MROH2A: variants seen among roughly 807,000 people sequenced by gnomAD.
The protein encoded by MROH2A is maestro heat like repeat family member 2A.
Under a neutral mutation model 200.4 loss-of-function variants are expected in MROH2A, and 174 were observed. That is an observed-to-expected ratio of 0.87 (90% CI 0.77 to 0.98). MROH2A has a LOEUF of 0.98. MROH2A is among the 50% of genes least tolerant of loss of function. The pLI, the probability that MROH2A is intolerant of heterozygous loss-of-function variation, is 0.00. For missense variants in MROH2A, 2,045 were observed against 2,139.6 expected (o/e 0.96, Z 0.87); for synonymous variants, 829 against 840.4 (o/e 0.99, Z 0.23).
chr2:233,793,509 C>T (rs1294629943), intron 6 of MROH2A, among the ~76,000 whole-genome samples, 164 bp from the exon 7 acceptor site: 5 of 152,112 alleles, frequency 3.3e-5, no homozygotes, highest in African/African-American at 9.7e-5. Context: ...CACACAGGCA[C>T]GCAGAGTAAA....
Position 233,796,265 on chromosome 2 carries a change from G to A in MROH2A, c.1204G>A (p.Val402Ile), listed in dbSNP as rs773216265. The A allele has an allele frequency of 1.7e-4, 263 of 1,546,666 alleles. No individual in the cohort carries two copies. Among genetic ancestry groups the A allele is most frequent in the Admixed American group, 3.2e-4 (16 of 50,550 alleles). Residue 402 changes from valine to isoleucine, a missense_variant, in exon 11 of 42, where the codon GTC becomes ATC. By Grantham distance (29) the Val-to-Ile change is conservative. Around this residue, in one of 3 missense-constraint regions of MROH2A, gnomAD observed 831 missense variants for 800.0 expected, o/e 1.04. Coordinates refer to ENST00000389758, the MANE Select transcript of MROH2A (RefSeq NM_001394639.1). ...FSQMETNKEA[V>I]RVGTLNLIRA... Reference sequence around the variant, plus strand: ...CCAGATGGAGACAAACAAGGAGGCCGTCCGCGTGGGGACTCTGAATCTGAT... The same window carrying A: ...CCAGATGGAGACAAACAAGGAGGCCATCCGCGTGGGGACTCTGAATCTGAT...
chr2:233,814,763 G>T, intron 26 of MROH2A, 86 bp downstream of exon 26: 3 of 842,222 alleles, frequency 3.6e-6, no homozygotes, highest in Non-Finnish European at 5.6e-6. Context: ...GGGAACAGGG[G>T]AGTGCATGCA....
intron 38 of MROH2A, among the ~76,000 whole-genome samples, chr2:233,830,251 T>C (rs1704632620): frequency 6.6e-6 from 1 of 152,168 alleles, no homozygotes; most frequent in South Asian, 2.1e-4. Flanking sequence ...GATTTGTTAG[T>C]AAATGTGCCT....
rs536222086 is a variant in MROH2A at position 233,782,507 on chromosome 2, G to A, written c.276+2655G>A. Among the ~76,000 whole-genome samples, 10 of 152,174 alleles carry A rather than the reference G, an allele frequency of 6.6e-5. No individual in the cohort carries two copies. In the South Asian group the frequency reaches 2.1e-3, roughly 32 times the overall value. The stretch of plus-strand genomic sequence containing the variant: ...GTTTCTTTTTCAAAATGGGTGAAGT[G>A]TTCTGTTGTTTGCCATTTGGCATAT... On this transcript the variant is annotated intron_variant, in intron 3 of 41. Coordinates refer to ENST00000389758, the MANE Select transcript of MROH2A (RefSeq NM_001394639.1).
At chr2:233,796,380 G>A (rs1702114567) in intron 11 of MROH2A, 67 bp downstream of exon 11, 11 of 1,067,894 alleles carry the variant, frequency 1.0e-5, no homozygotes, top group Non-Finnish European at 1.5e-5. Flanking sequence ...AACAAGGGAG[G>A]CAAGTTTCAT....
intron 15 of MROH2A, 24 bp downstream of exon 15, chr2:233,802,339 G>A (rs781666453): frequency 1.3e-6 from 2 of 1,541,946 alleles, no homozygotes; most frequent in African/African-American, 2.7e-5. Context: ...CTGTCCAGCT[G>A]ATTGGATTGG....
chr2:233,790,112 T>C, intron 5 of MROH2A, 98 bp downstream of exon 5: 1 of 1,141,212 alleles, frequency 8.8e-7, no homozygotes, highest in Non-Finnish European at 1.2e-6. Flanking sequence ...CTCTTCCTCT[T>C]ACCTTTCATT....
Position 233,822,913 on chromosome 2 carries a change from A to G in MROH2A, c.3899A>G (p.Lys1300Arg), listed in dbSNP as rs1163827456. ...ATCAAGTCCATGCAGCTCTTGTTCAAGAGAGTCAAGAGCCAGCACCTGGCA... is the reference window on the plus strand; with the variant it reads ...ATCAAGTCCATGCAGCTCTTGTTCAGGAGAGTCAAGAGCCAGCACCTGGCA... ...VTIKSMQLLF[K>R]RVKSQHLAHT... The change falls in exon 34 of 42, where the codon AAG becomes AGG. Residue 1300 changes from lysine to arginine, a missense_variant. Lys to Arg is a conservative substitution (Grantham distance 26). Coordinates refer to ENST00000389758, the MANE Select transcript of MROH2A (RefSeq NM_001394639.1). The G allele has an allele frequency of 6.4e-7, 1 of 1,550,600 alleles. No individual in the cohort carries two copies. The highest frequency in any genetic ancestry group is 2.4e-5 in the East Asian group (1 of 40,914).
intron 12 of MROH2A, among the ~76,000 whole-genome samples, chr2:233,799,415 G>A (rs113692107): frequency 6.6e-6 from 1 of 152,260 alleles, no homozygotes; most frequent in South Asian, 2.1e-4. Context: ...GGAGGGAAGC[G>A]AGAAGAGGCT....
chr2:233,810,815 T>C lies in MROH2A; in HGVS notation c.2470T>C (p.Phe824Leu), dbSNP rs1168924733. ...TCAGGACATCTGTCTCAAAATGGCC[T>C]TCATGAAGAGTGTTGTGCAGGTTAC... ...SCQDICLKMAFMKSVVQVTKA... is the reference protein window; with the variant it reads ...SCQDICLKMALMKSVVQVTKA... Residue 824 changes from phenylalanine (F) to leucine (L), a missense_variant, in exon 23 of 42, where the codon TTC becomes CTC. Physicochemically the swap from Phe to Leu is conservative, Grantham distance 22. Coordinates refer to ENST00000389758, the MANE Select transcript of MROH2A (RefSeq NM_001394639.1). 2 of 1,550,408 alleles carry C rather than the reference T, an allele frequency of 1.3e-6. No individual in the cohort carries two copies. The highest frequency in any genetic ancestry group is 2.4e-5 in the South Asian group (2 of 84,052).
chr2:233,798,508 C>T (rs568499373), intron 11 of MROH2A, among the ~76,000 whole-genome samples: 3 of 152,330 alleles, frequency 2.0e-5, no homozygotes. Flanking sequence ...CACTAAAGAG[C>T]TCGTAGGCAG....
chr2:233,799,819 C>T lies in MROH2A; in HGVS notation c.1369C>T (p.Leu457Phe). 6.4e-7 allele frequency: 1 copy of T among 1,550,558 alleles called. No individual in the cohort carries two copies. Among genetic ancestry groups the T allele is most frequent in the Non-Finnish European group, 8.7e-7 (1 of 1,146,986 alleles). The stretch of plus-strand genomic sequence containing the variant: ...TCTCCACATCATTGGGCAGTTGGCT[C>T]TCTGTGGCTACCAGGAGAGAATCAA... ...AILHIIGQLA[L>F]CGYQERIKGW... The change falls in exon 13 of 42, where the codon CTC (leucine) becomes TTC (phenylalanine). Residue 457 changes from leucine to phenylalanine, a missense_variant. Coordinates refer to ENST00000389758, the MANE Select transcript of MROH2A (RefSeq NM_001394639.1).
At chr2:233,814,374 T>C (rs1203305476) in intron 25 of MROH2A, among the ~76,000 whole-genome samples, 2 of 152,190 alleles carry the variant, frequency 1.3e-5, no homozygotes, top group African/African-American at 4.8e-5. Flanking sequence ...AGAACTGGGC[T>C]CCAGGAGTTC....
At chr2:233,778,772 A>T (rs10203853) in intron 1 of MROH2A, among the ~76,000 whole-genome samples, 63,353 of 152,150 alleles carry the variant, frequency 0.42, 14,341 homozygotes, top group East Asian at 0.77. Flanking sequence ...AGAGGGCTCT[A>T]TTAAACTAAG....
rs570814019 is a variant in MROH2A, at chr2:233,831,468, TC to T, written c.4665del (p.Ser1556GlnfsTer12). 364 of 1,550,480 alleles carry T rather than the reference TC, an allele frequency of 2.3e-4. No homozygotes were observed. The highest frequency in any genetic ancestry group is 2.1e-3 in the Admixed American group (107 of 50,994). On this transcript the variant is annotated frameshift_variant, in exon 39 of 42. Coordinates refer to ENST00000389758, the MANE Select transcript of MROH2A (RefSeq NM_001394639.1). LOFTEE classifies it high-confidence loss of function. Reference protein sequence around the residue: ...HFWGWKSLEHPSGPSDTATDD... With the variant: ...HFWGWKSLEHXSGPSDTATDD... ...TCTGGGGCTGGAAGTCCCTGGAGCA[TC>T]CCTCAGGGCCAAGTGATACCGCTAC...
intron 19 of MROH2A, among the ~76,000 whole-genome samples, chr2:233,806,368 A>T (rs1014544445): frequency 6.6e-6 from 1 of 152,188 alleles, no homozygotes; most frequent in Non-Finnish European, 1.5e-5. Context: ...CAAAAACAAT[A>T]ATATTTACCT....
At position 233,809,170 on chromosome 2, in the gene MROH2A, G is replaced by C; in HGVS notation, c.2340G>C (p.Met780Ile). ...GGGAGACAGTGAAAAGTGCCCTCATGGTGATGTATAGCTGCGTGGCCTCCT... is the reference window on the plus strand; with the variant it reads ...GGGAGACAGTGAAAAGTGCCCTCATCGTGATGTATAGCTGCGTGGCCTCCT... ...WRRETVKSAL[M>I]VMYSCVASYC... Residue 780 changes from methionine (M) to isoleucine (I), a missense_variant, in exon 22 of 42, where the codon ATG (methionine) becomes ATC (isoleucine). Transcript: ENST00000389758. The C allele has an allele frequency of 6.4e-7, 1 of 1,550,496 alleles. No homozygotes were observed. Among genetic ancestry groups the C allele is most frequent in the Non-Finnish European group, 8.7e-7 (1 of 1,146,942 alleles).
intron 31 of MROH2A, 138 bp from the exon 32 acceptor site, chr2:233,821,986 G>A (rs886887765): frequency 2.6e-5 from 27 of 1,058,512 alleles, no homozygotes; most frequent in Admixed American, 5.8e-5. Context: ...AAATTTTGGC[G>A]GCTCCCTCCG....
chr2:233,778,919 T>C (rs149089130), intron 1 of MROH2A, among the ~76,000 whole-genome samples: 1 of 152,228 alleles, frequency 6.6e-6, no homozygotes, highest in Non-Finnish European at 1.5e-5. Context: ...TCTCAGAGAC[T>C]GCAGTCCTTT....
Sources: gnomAD v4.1 joint callset for allele counts (sites outside exome capture counted in the v4.1 genomes callset) on GRCh38, gnomAD v4.1.1 for gene constraint, gnomAD v4.1.1 regional missense constraint, MANE v1.5 for transcripts, NCBI Gene and HGNC (gene_info 2026-07-23, HGNC 2026-07-21) for gene names.